Variants in DPCD observed in about 807,000 individuals in gnomAD.
DPCD encodes the protein protein DPCD.
Under a neutral mutation model 26.4 loss-of-function variants are expected in DPCD, and 20 were observed. The ratio of observed to expected loss-of-function variants is 0.76; its 90% confidence interval spans 0.53 to 1.10. DPCD has a LOEUF of 1.10. Among genes scored for constraint, DPCD ranks in the 50% least tolerant of loss-of-function variants. The pLI is 0.00. For synonymous variants in DPCD, 97 were observed against 94.2 expected (o/e 1.03, Z -0.17); for missense variants, 202 against 253.9 (o/e 0.80, Z 1.39).
At chr10:101,593,859 A>G (rs2063630827) in intron 1 of DPCD, among the ~76,000 whole-genome samples, 1 of 152,142 alleles carries the variant, frequency 6.6e-6, no homozygotes, top group Admixed American at 6.6e-5. Flanking sequence ...CGGATAGTGC[A>G]TCAGTGTTTA....
At chr10:101,604,723 A>G (rs2063721891) in intron 4 of DPCD, among the ~76,000 whole-genome samples, 1 of 152,206 alleles carries the variant, frequency 6.6e-6, no homozygotes, top group South Asian at 2.1e-4. Flanking sequence ...GGCCTCTGCC[A>G]CTGTTAGCTG....
intron 1 of DPCD, among the ~76,000 whole-genome samples, chr10:101,589,381 G>C (rs1448817152): frequency 6.6e-6 from 1 of 152,242 alleles, no homozygotes; most frequent in Non-Finnish European, 1.5e-5. Flanking sequence ...TGGTAGGAAA[G>C]AGTGAAGGTG....
rs190127831 is a variant in DPCD at position 101,598,770 on chromosome 10, G to A, written c.146-1968G>A. 1.2e-3 allele frequency among the ~76,000 whole-genome samples: 176 copies of A among 152,042 alleles called. 3 individuals carry two copies. Among genetic ancestry groups the A allele is most frequent in the African/African-American group, 3.6e-3 (151 of 41,470 alleles). The stretch of plus-strand genomic sequence containing the variant: ...CTCCCCAGTAGCTGGGACTACAGGC[G>A]TGTGCCACCACACCCAGCTAATGTT... On this transcript the variant is annotated intron_variant, in intron 2 of 5. Coordinates refer to ENST00000370151, the MANE Select transcript of DPCD (RefSeq NM_015448.3).
At chr10:101,605,396 G>A (rs2063727106) in intron 4 of DPCD, among the ~76,000 whole-genome samples, 1 of 152,194 alleles carries the variant, frequency 6.6e-6, no homozygotes, top group African/African-American at 2.4e-5. Flanking sequence ...AGTCAAAATG[G>A]AGGAGTCGTC....
chr10:101,588,458 G>C, intron 1 of DPCD, 58 bp downstream of exon 1: 1 of 1,550,310 alleles, frequency 6.5e-7, no homozygotes, highest in Non-Finnish European at 8.7e-7. Context: ...CCGGCCCTCC[G>C]GGAAGGGCCT....
At chr10:101,588,666 A>G (rs2063529801) in intron 1 of DPCD, 3 of 1,280,944 alleles carry the variant, frequency 2.3e-6, no homozygotes, top group Non-Finnish European at 3.0e-6. Context: ...TACATTCATT[A>G]TCTCATTTGC....
intron 1 of DPCD, among the ~76,000 whole-genome samples, chr10:101,591,234 G>A (rs2063604757): frequency 1.3e-5 from 2 of 152,166 alleles, no homozygotes; most frequent in Admixed American, 1.3e-4. Context: ...ATGGACACCT[G>A]GGTTGCTTCC....
Position 101,600,930 on chromosome 10 carries a change from G to T in DPCD, c.270+68G>T. Reference sequence around the variant, plus strand: ...GGTGGGCTGTGGGCTGCTGGCTCTTGAGGGCAGGGACCATGTCTTGTTCAC... The same window carrying T: ...GGTGGGCTGTGGGCTGCTGGCTCTTTAGGGCAGGGACCATGTCTTGTTCAC... On this transcript the variant is annotated intron_variant, in intron 3 of 5. Coordinates refer to ENST00000370151, the MANE Select transcript of DPCD (RefSeq NM_015448.3). This position sits in a 1 kb window ranked among gnomAD's most constrained non-coding sequence, Gnocchi z 4.7. 6.2e-7 allele frequency: 1 copy of T among 1,607,760 alleles called. No homozygotes were observed.
chr10:101,608,067 T>C (rs11191064), intron 4 of DPCD, among the ~76,000 whole-genome samples: 24,539 of 152,098 alleles, frequency 0.16, 2,402 homozygotes, highest in East Asian at 0.29. Context: ...AGTCTAGTTA[T>C]ACACATTACA....
At chr10:101,592,797 C>T (rs936398601) in intron 1 of DPCD, among the ~76,000 whole-genome samples, 1 of 151,986 alleles carries the variant, frequency 6.6e-6, no homozygotes, top group East Asian at 1.9e-4. Flanking sequence ...GGGCAGATCA[C>T]GAGCTCAGGA....
At chr10:101,593,010 C>CAAAAAAAAAAACCA (rs1264639728) in intron 1 of DPCD, among the ~76,000 whole-genome samples, 328 of 84,448 alleles carry the variant, frequency 3.9e-3, no homozygotes, top group African/African-American at 0.012. Context: ...GAGACTCTGT[C>CAAAAAAAAAAACCA]AAAAAAAAAA....
chr10:101,592,715 C>CT (rs987812813), intron 1 of DPCD, among the ~76,000 whole-genome samples: 24 of 146,784 alleles, frequency 1.6e-4, no homozygotes, highest in South Asian at 4.4e-4. Context: ...GCAAGACACT[C>CT]TAAAAAAAAG....
chr10:101,594,668 G>T lies in DPCD; in HGVS notation c.75G>T (p.Lys25Asn). The change falls in exon 2 of 6, where the codon AAG becomes AAT. Residue 25 changes from lysine (K) to asparagine (N), a missense_variant. Lys to Asn is a moderately conservative substitution (Grantham distance 94). This residue lies in a region of DPCD where 47 missense variants were observed against 32.8 expected (regional missense o/e 1.43). Transcript: ENST00000370151. ...CTGTTTTGTGCATAGGGAGAAGGAA[G>T]GTTCACTATTTATTCCCAGACGGCA... Reference protein sequence around the residue: ...KTALLQDGRRKVHYLFPDGKE... With the variant: ...KTALLQDGRRNVHYLFPDGKE... 6.2e-7 allele frequency: 1 copy of T among 1,614,118 alleles called. No individual in the cohort carries two copies. The highest frequency in any genetic ancestry group is 8.5e-7 in the Non-Finnish European group (1 of 1,179,974).
intron 2 of DPCD, among the ~76,000 whole-genome samples, chr10:101,597,725 TATAATC>T (rs1282105865): frequency 6.6e-6 from 1 of 152,206 alleles, no homozygotes; most frequent in Admixed American, 6.5e-5. Flanking sequence ...GGGTTTAACA[TATAATC>T]AAATCAGAGT....
At chr10:101,601,406 T>C (rs2063697900) in intron 4 of DPCD, 70 bp downstream of exon 4, 2 of 1,574,076 alleles carry the variant, frequency 1.3e-6, no homozygotes, top group African/African-American at 2.7e-5. Flanking sequence ...TGATCTGGCG[T>C]TAGGATCATT....
chr10:101,592,330 T>TA (rs1384502342), intron 1 of DPCD, among the ~76,000 whole-genome samples: 1 of 152,146 alleles, frequency 6.6e-6, no homozygotes, highest in East Asian at 1.9e-4. Flanking sequence ...TAGTGTGCTA[T>TA]AATCATGCCT....
In DPCD at chr10:101,597,870, A is replaced by G. The variant is rs77440164; in HGVS notation, c.146-2868A>G. ...TGTGTTCACACCCATGCACTTGTGCATAGGAAAAATAAGAAGGACTTCCCC... is the reference window on the plus strand; with the variant it reads ...TGTGTTCACACCCATGCACTTGTGCGTAGGAAAAATAAGAAGGACTTCCCC... On this transcript the variant is annotated intron_variant, in intron 2 of 5. Transcript: ENST00000370151. Among the ~76,000 whole-genome samples, 698 of 152,362 alleles carry G rather than the reference A, an allele frequency of 4.6e-3. 21 individuals are homozygous for G. The East Asian group carries it at 0.073, about 16-fold the overall frequency.
intron 5 of DPCD, 43 bp from the exon 6 acceptor site, chr10:101,609,324 G>A (rs1205534244): frequency 1.9e-5 from 30 of 1,597,360 alleles, no homozygotes; most frequent in Non-Finnish European, 2.6e-5. Context: ...AAGGAGATGG[G>A]ACAGTGACTG....
In DPCD at chr10:101,609,293, AG is replaced by A. The variant is rs2063756655; in HGVS notation, c.508-70del. ...TGCAAATAAGGGGATCAGAAGGAGAAGGGGCCCCAAGTGTGTGTGGAAGGAG... is the reference window on the plus strand; with the variant it reads ...TGCAAATAAGGGGATCAGAAGGAGAAGGGCCCCAAGTGTGTGTGGAAGGAG... On this transcript the variant is annotated intron_variant, in intron 5 of 5. Transcript: ENST00000370151. 5 of 1,347,340 alleles carry A rather than the reference AG, an allele frequency of 3.7e-6. No individual in the cohort carries two copies. In the Admixed American group the frequency reaches 9.6e-5, roughly 26 times the overall value. The allele number at this position is 1,347,340 out of a possible 1,614,324, so 83.5% of individuals were successfully genotyped here. A position where few individuals can be genotyped will look rare whatever the true frequency, so the allele number is the denominator to read the frequency against.
Sources: gnomAD v4.1 joint callset for allele counts (sites outside exome capture counted in the v4.1 genomes callset) on GRCh38, gnomAD v4.1.1 for gene constraint, gnomAD v4.1.1 regional missense constraint, Gnocchi (gnomAD v3.1) non-coding constraint, MANE v1.5 for transcripts, NCBI Gene and HGNC (gene_info 2026-07-23, HGNC 2026-07-21) for gene names.